DGKG: variants seen among roughly 807,000 people sequenced by gnomAD.
DGKG encodes DAG kinase gamma.
Under a neutral mutation model 105.3 loss-of-function variants are expected in DGKG, and 78 were observed. That is an observed-to-expected ratio of 0.74 (90% CI 0.62 to 0.89). DGKG has a LOEUF of 0.89. Among genes scored for constraint, DGKG ranks in the 40% least tolerant of loss-of-function variants. DGKG has a pLI of 0.00. For synonymous variants in DGKG, 346 were observed against 367.1 expected, an observed-to-expected ratio of 0.94 and a Z score of 0.66; for missense variants, 958 against 1,020.1, an observed-to-expected ratio of 0.94 and a Z score of 0.83.
chr3:186,191,053 A>G (rs1360959422), intron 21 of DGKG, among the ~76,000 whole-genome samples: 1 of 152,146 alleles, frequency 6.6e-6, no homozygotes, highest in Non-Finnish European at 1.5e-5. Flanking sequence ...TCTTTCATAA[A>G]TGAGCCCCAG....
chr3:186,299,774 T>TTTCTTTCTTTCC (rs1723789247), intron 3 of DGKG, among the ~76,000 whole-genome samples: 1 of 47,980 alleles, frequency 2.1e-5, no homozygotes, highest in Non-Finnish European at 4.0e-5. Context: ...TTTCTCTTTC[T>TTTCTTTCTTTCC]TTCTTTCTTT....
At chr3:186,152,954 G>A (rs982901436) in intron 24 of DGKG, among the ~76,000 whole-genome samples, 1 of 134,898 alleles carries the variant, frequency 7.4e-6, no homozygotes, top group Non-Finnish European at 1.6e-5. Flanking sequence ...CAGCTGCCGC[G>A]CCCGGCCTTT....
At chr3:186,351,108 C>A (rs1023652929) in intron 1 of DGKG, among the ~76,000 whole-genome samples, 1 of 152,164 alleles carries the variant, frequency 6.6e-6, no homozygotes, top group Admixed American at 6.5e-5. Context: ...CATTTAATCT[C>A]CAGGCCAACT....
intron 21 of DGKG, among the ~76,000 whole-genome samples, chr3:186,192,085 G>A (rs1256034820): frequency 6.6e-6 from 1 of 152,140 alleles, no homozygotes; most frequent in Non-Finnish European, 1.5e-5. Context: ...TTGGCTCACT[G>A]CAACCTCTGC....
chr3:186,350,862 C>A (rs146808883), intron 1 of DGKG, among the ~76,000 whole-genome samples: 1 of 152,254 alleles, frequency 6.6e-6, no homozygotes, highest in African/African-American at 2.4e-5. Context: ...TGATGCTGAG[C>A]TTTTCATGTG....
At chr3:186,348,156 G>C (rs1192808355) in intron 1 of DGKG, among the ~76,000 whole-genome samples, 1 of 151,980 alleles carries the variant, frequency 6.6e-6, no homozygotes, top group Non-Finnish European at 1.5e-5. Flanking sequence ...CTTCTTTGTT[G>C]AGAGTAATTT....
chr3:186,242,552 T>G lies in DGKG; in HGVS notation c.1778A>C (p.His593Pro). ...FSIGVDASIA[H>P]RFHVMREKHP... The stretch of plus-strand genomic sequence containing the variant: ...TTTCTCTCTCATCACATGGAATCTG[T>G]GTGCAATGGAAGCGTCCTGAAAGTG... The change falls in exon 20 of 25, where the codon CAC becomes CCC. Residue 593 changes from histidine (H) to proline (P), a missense_variant. Physicochemically the swap from His to Pro is moderately conservative, Grantham distance 77. Transcript: ENST00000265022. 1 of 1,613,726 alleles carries G rather than the reference T, an allele frequency of 6.2e-7. No individual in the cohort carries two copies. The highest frequency in any genetic ancestry group is 8.5e-7 in the Non-Finnish European group (1 of 1,179,728).
chr3:186,257,825 C>G (rs779634582), intron 17 of DGKG, 29 bp downstream of exon 17: 1 of 1,556,606 alleles, frequency 6.4e-7, no homozygotes, highest in African/African-American at 1.4e-5. Context: ...TATAAATAAG[C>G]AGCAAACGCC....
At chr3:186,241,468 G>A (rs1720681695) in intron 20 of DGKG, among the ~76,000 whole-genome samples, 1 of 152,012 alleles carries the variant, frequency 6.6e-6, no homozygotes, top group Non-Finnish European at 1.5e-5. Flanking sequence ...CAGGAGAATC[G>A]CTTGAACCTG....
At chr3:186,345,734 C>T (rs1726296521) in intron 1 of DGKG, among the ~76,000 whole-genome samples, 1 of 152,100 alleles carries the variant, frequency 6.6e-6, no homozygotes, top group Non-Finnish European at 1.5e-5. Flanking sequence ...CAATGCATAT[C>T]TACTGTTTGA....
At chr3:186,219,428 G>A (rs552817889) in intron 20 of DGKG, among the ~76,000 whole-genome samples, 1 of 152,226 alleles carries the variant, frequency 6.6e-6, no homozygotes, top group South Asian at 2.1e-4. Flanking sequence ...CCAAGAGGGG[G>A]CAGTGGCCCC....
chr3:186,289,530 C>T (rs936652648), intron 5 of DGKG, among the ~76,000 whole-genome samples: 1 of 152,170 alleles, frequency 6.6e-6, no homozygotes, highest in Non-Finnish European at 1.5e-5. Flanking sequence ...CACACTCTGT[C>T]CTGTGGTTCA....
intron 22 of DGKG, among the ~76,000 whole-genome samples, chr3:186,175,879 T>A (rs1346992181): frequency 6.6e-6 from 1 of 152,176 alleles, no homozygotes; most frequent in Non-Finnish European, 1.5e-5. Flanking sequence ...TTGTGGCAAC[T>A]CCATTAAAAA....
chr3:186,290,911 A>G (rs889021511), intron 5 of DGKG, among the ~76,000 whole-genome samples: 11 of 152,220 alleles, frequency 7.2e-5, no homozygotes, highest in African/African-American at 2.4e-4. Flanking sequence ...AGAGCGAATA[A>G]TCCCTGGAGA....
intron 21 of DGKG, among the ~76,000 whole-genome samples, chr3:186,202,570 T>A (rs776693713): frequency 2.0e-5 from 3 of 152,230 alleles, no homozygotes; most frequent in Non-Finnish European, 4.4e-5. Flanking sequence ...TTCCCACTGA[T>A]GGGGCCTCGC....
intron 20 of DGKG, among the ~76,000 whole-genome samples, chr3:186,225,267 C>T (rs1516724): frequency 6.6e-6 from 1 of 151,860 alleles, no homozygotes; most frequent in Non-Finnish European, 1.5e-5. Context: ...GCGCCTGGCC[C>T]TGAATCATTT....
At chr3:186,162,567 G>A (rs1716347169) in intron 23 of DGKG, among the ~76,000 whole-genome samples, 1 of 152,140 alleles carries the variant, frequency 6.6e-6, no homozygotes, top group South Asian at 2.1e-4. Flanking sequence ...TTGAGACAGA[G>A]TCTTGCTCTG....
intron 2 of DGKG, among the ~76,000 whole-genome samples, chr3:186,311,317 A>T (rs1411024567): frequency 2.0e-5 from 3 of 152,202 alleles, no homozygotes; most frequent in Non-Finnish European, 4.4e-5. Context: ...CCAAGGGAAA[A>T]AAAAGCTTAT....
chr3:186,225,249 G>A lies in DGKG; in HGVS notation c.1827-13364C>T, dbSNP rs1036920625. Among the ~76,000 whole-genome samples the A allele has an allele frequency of 2.6e-5, 4 of 151,882 alleles. No individual in the cohort carries two copies. The East Asian group carries it at 5.8e-4, about 22-fold the overall frequency. The stretch of plus-strand genomic sequence containing the variant: ...CGCAAAGTGTAGGGATTACAGGCAT[G>A]AGCCATTGCGCCTGGCCCTGAATCA... On this transcript the variant is annotated intron_variant, in intron 20 of 24. Transcript: ENST00000265022.
Sources: gnomAD v4.1 joint callset for allele counts (sites outside exome capture counted in the v4.1 genomes callset) on GRCh38, gnomAD v4.1.1 for gene constraint, MANE v1.5 for transcripts, NCBI Gene and HGNC (gene_info 2026-07-23, HGNC 2026-07-21) for gene names.